PRKCQ: variants seen among roughly 807,000 people sequenced by gnomAD.
PRKCQ encodes the protein protein kinase C theta, also known as protein kinase C theta type.
PRKCQ carries 41 observed loss-of-function variants against 91.2 expected under a neutral mutation model. The ratio of observed to expected loss-of-function variants is 0.45; its 90% confidence interval spans 0.35 to 0.58. The LOEUF (loss-of-function observed/expected upper bound fraction) is 0.58, where lower values mean the gene tolerates loss of function less well. Among genes scored for constraint, PRKCQ ranks in the 20% least tolerant of loss-of-function variants. The pLI, the probability that PRKCQ is intolerant of heterozygous loss-of-function variation, is 0.00. For synonymous variants in PRKCQ, 307 were observed against 316.9 expected (o/e 0.97, Z 0.33); for missense variants, 673 against 896.5 (o/e 0.75, Z 3.18).
downstream of PRKCQ, among the ~76,000 whole-genome samples, chr10:6,422,450 C>T (rs1330204566): frequency 6.6e-6 from 1 of 152,132 alleles, no homozygotes; most frequent in Admixed American, 6.6e-5. Context: ...GCTGTCCCTC[C>T]CCTTATGGTG....
At chr10:6,404,235 G>A in the PRKCQ span, among the ~76,000 whole-genome samples, 2 of 52,158 alleles carry the variant, frequency 3.8e-5, no homozygotes, top group African/African-American at 1.8e-4. Context: ...GAGAGAGAGA[G>A]AAAGGGAGAG....
At chr10:6,411,743 A>G in the PRKCQ span, among the ~76,000 whole-genome samples, 1 of 152,160 alleles carries the variant, frequency 6.6e-6, no homozygotes, top group Non-Finnish European at 1.5e-5. Context: ...ACATTTGCTG[A>G]CCCTGGTACA....
At chr10:6,453,422 A>G (rs1329599687) in intron 15 of PRKCQ, among the ~76,000 whole-genome samples, 1 of 152,224 alleles carries the variant, frequency 6.6e-6, no homozygotes, top group Non-Finnish European at 1.5e-5. Context: ...AGGAAACAAC[A>G]GATGCTGGAG....
At chr10:6,423,229 C>T (rs1833045962), downstream of PRKCQ, among the ~76,000 whole-genome samples, 3 of 152,188 alleles carry the variant, frequency 2.0e-5, no homozygotes, top group South Asian at 6.2e-4. Context: ...GAGCAGACAT[C>T]AGGCATGTAG....
chr10:6,394,149 T>C, the PRKCQ span, among the ~76,000 whole-genome samples: 2 of 152,254 alleles, frequency 1.3e-5, no homozygotes, highest in Non-Finnish European at 2.9e-5. Context: ...CTGATTAGTT[T>C]ATATGTGAAG....
chr10:6,462,508 A>G, intron 13 of PRKCQ, 143 bp from the exon 14 acceptor site: 1 of 677,604 alleles, frequency 1.5e-6, no homozygotes, highest in Non-Finnish European at 2.5e-6. Flanking sequence ...AACAAGGAAG[A>G]TGTTGTCCAT....
intron 1 of PRKCQ, among the ~76,000 whole-genome samples, chr10:6,565,717 A>C (rs1356531199): frequency 6.6e-6 from 1 of 152,230 alleles, no homozygotes. Context: ...CCGGGAGGAA[A>C]GTCCTTTTCA....
intron 1 of PRKCQ, among the ~76,000 whole-genome samples, chr10:6,548,891 A>G (rs1041404398): frequency 6.6e-6 from 1 of 152,134 alleles, no homozygotes; most frequent in African/African-American, 2.4e-5. Context: ...ATAATAATAA[A>G]ATAAAAAAAG....
intron 1 of PRKCQ, among the ~76,000 whole-genome samples, chr10:6,544,984 GTTT>G (rs35126400): frequency 1.4e-5 from 2 of 144,768 alleles, no homozygotes. Context: ...TTTCCTTTCT[GTTT>G]TTTTTTTTTT....
rs147667901 is a variant in PRKCQ, at chr10:6,456,495, C to T, written c.1647+179G>A. Among the ~76,000 whole-genome samples the T allele has an allele frequency of 6.2e-3, 950 of 152,276 alleles. 3 individuals are homozygous for T. Among genetic ancestry groups the T allele is most frequent in the Non-Finnish European group, 0.011 (724 of 68,010 alleles). ...AGAGATGTGATTTGTAAAAGTAGCGCTCCCCACAAAATAATAATAGAAACC... is the reference window on the plus strand; with the variant it reads ...AGAGATGTGATTTGTAAAAGTAGCGTTCCCCACAAAATAATAATAGAAACC... On this transcript the variant is annotated intron_variant, in intron 15 of 17. Transcript: ENST00000263125.
chr10:6,500,201 A>G (rs981932122), intron 4 of PRKCQ, among the ~76,000 whole-genome samples: 2 of 152,144 alleles, frequency 1.3e-5, no homozygotes, highest in African/African-American at 4.8e-5. Flanking sequence ...TCTATTTACA[A>G]CTTGTGACTA....
intron 13 of PRKCQ, among the ~76,000 whole-genome samples, chr10:6,463,133 T>C (rs1835452840): frequency 6.6e-6 from 1 of 152,194 alleles, no homozygotes; most frequent in Non-Finnish European, 1.5e-5. Context: ...ATTTTCGTAC[T>C]GAGAACCTTT....
intron 1 of PRKCQ, 47 bp from the exon 2 acceptor site, chr10:6,515,191 A>G (rs943206536): frequency 8.1e-6 from 13 of 1,607,972 alleles, no homozygotes; most frequent in Non-Finnish European, 1.0e-5. Context: ...TATAAAAGAT[A>G]TTATTTTTGG....
rs528621233 is a variant in PRKCQ at position 6,576,707 on chromosome 10, T to A, written c.-10+3504A>T. ...AATAGTTAAGAAGTTAAATTTTAAG[T>A]TATGTGTATTTTAACCACAATAAAA... On this transcript the variant is annotated intron_variant, in intron 1 of 17. Transcript: ENST00000263125. This position sits in a 1 kb window ranked among gnomAD's most constrained non-coding sequence, Gnocchi z 4.2. 6.6e-6 allele frequency among the ~76,000 whole-genome samples: 1 copy of A among 152,332 alleles called. No individual in the cohort carries two copies. Among genetic ancestry groups the A allele is most frequent in the South Asian group, 2.1e-4 (1 of 4,832 alleles).
chr10:6,526,729 C>T (rs545482518), intron 1 of PRKCQ, among the ~76,000 whole-genome samples: 8 of 152,236 alleles, frequency 5.3e-5, no homozygotes, highest in African/African-American at 1.9e-4. Flanking sequence ...TGTCCACAGG[C>T]CATGGTGAGA....
the PRKCQ span, among the ~76,000 whole-genome samples, chr10:6,418,417 G>GAAAGC: frequency 6.6e-6 from 1 of 152,164 alleles, no homozygotes; most frequent in Non-Finnish European, 1.5e-5. Flanking sequence ...CCAGGAGGTG[G>GAAAGC]AAAGCAAAGC....
At chr10:6,482,047 T>A (rs1299086047) in intron 11 of PRKCQ, among the ~76,000 whole-genome samples, 3 of 150,180 alleles carry the variant, frequency 2.0e-5, no homozygotes, top group African/African-American at 7.3e-5. Context: ...CTCCTTGTCA[T>A]CTGTGAGTGA....
rs115566967 is a variant in PRKCQ, at chr10:6,497,267, C to A, written c.543-16G>T. 1.8e-3 allele frequency: 2,945 copies of A among 1,614,000 alleles called. 36 individuals carry two copies. In the African/African-American group the frequency reaches 0.035, roughly 19 times the overall value. On this transcript the variant is annotated splice_polypyrimidine_tract_variant and intron_variant, in intron 5 of 17. Coordinates refer to ENST00000263125, the MANE Select transcript of PRKCQ (RefSeq NM_006257.5). The surrounding 1 kb of genome is among the most constrained non-coding windows in gnomAD (Gnocchi z 4.5). ...GTTCAGGCCCCTGTAATAAAGCACA[C>A]GCTGATTTATTTCAATGTTGGCATC... is the stretch of plus-strand genomic sequence containing the variant.
Position 6,428,156 on chromosome 10 carries a change from C to A in PRKCQ, c.*51G>T, listed in dbSNP as rs751637405. On this transcript the variant is annotated 3_prime_UTR_variant, in exon 18 of 18. Transcript: ENST00000263125. ...AGGAACCCAAGCAGTGTCTCTTGAA[C>A]CAGTTCCCAGGGAGAAGGCAAATTC... 1 of 1,609,740 alleles carries A rather than the reference C, an allele frequency of 6.2e-7. No homozygotes were observed. Among genetic ancestry groups the A allele is most frequent in the Non-Finnish European group, 8.5e-7 (1 of 1,176,800 alleles).
Sources: gnomAD v4.1 joint callset for allele counts (sites outside exome capture counted in the v4.1 genomes callset) on GRCh38, gnomAD v4.1.1 for gene constraint, Gnocchi (gnomAD v3.1) non-coding constraint, MANE v1.5 for transcripts, NCBI Gene and HGNC (gene_info 2026-07-23, HGNC 2026-07-21) for gene names.